Variants in ERBB4 observed in about 807,000 individuals in gnomAD.
The protein encoded by ERBB4 is erb-b2 receptor tyrosine kinase 4.
Under a neutral mutation model 158.0 loss-of-function variants are expected in ERBB4, and 42 were observed. The ratio of observed to expected loss-of-function variants is 0.27; its 90% confidence interval spans 0.21 to 0.34. The LOEUF (loss-of-function observed/expected upper bound fraction) is 0.34, where lower values mean the gene tolerates loss of function less well. ERBB4 is among the 10% of genes least tolerant of loss of function. The pLI, the probability that ERBB4 is intolerant of heterozygous loss-of-function variation, is 1.00. For synonymous variants in ERBB4, 583 were observed against 558.7 expected (o/e 1.04, Z -0.61); for missense variants, 1,333 against 1,624.1 (o/e 0.82, Z 3.08).
chr2:212,520,098 A>G (rs1692071458), intron 1 of ERBB4, among the ~76,000 whole-genome samples: 1 of 151,996 alleles, frequency 6.6e-6, no homozygotes, highest in African/African-American at 2.4e-5. Context: ...TTAATTGGAA[A>G]AATATAATTT....
At chr2:211,766,292 T>G (rs2075548479) in intron 4 of ERBB4, among the ~76,000 whole-genome samples, 1 of 152,204 alleles carries the variant, frequency 6.6e-6, no homozygotes, top group African/African-American at 2.4e-5. Flanking sequence ...GTTAGCAGTT[T>G]GATCTGCTTG....
chr2:211,820,631 C>T (rs146256628), intron 3 of ERBB4, among the ~76,000 whole-genome samples: 200 of 151,788 alleles, frequency 1.3e-3, no homozygotes, highest in African/African-American at 4.7e-3. Context: ...CACAGTAAAA[C>T]AAGAAAACTT....
intron 2 of ERBB4, among the ~76,000 whole-genome samples, chr2:212,034,178 G>T (rs1362276679): frequency 6.6e-6 from 1 of 151,730 alleles, no homozygotes; most frequent in African/African-American, 2.4e-5. Context: ...TTACTAATCT[G>T]TGTTTCTTCT....
At chr2:212,362,660 T>C (rs1295550167) in intron 1 of ERBB4, among the ~76,000 whole-genome samples, 1 of 151,092 alleles carries the variant, frequency 6.6e-6, no homozygotes, top group East Asian at 1.9e-4. Context: ...TAAAACTTCA[T>C]TTTACCAATG....
At chr2:212,144,392 G>A (rs2080593519) in intron 1 of ERBB4, among the ~76,000 whole-genome samples, 1 of 152,120 alleles carries the variant, frequency 6.6e-6, no homozygotes, top group South Asian at 2.1e-4. Flanking sequence ...TCTGGAAAAT[G>A]TTTTAAAAAT....
intron 19 of ERBB4, among the ~76,000 whole-genome samples, chr2:211,590,583 C>T (rs565468703): frequency 6.6e-6 from 1 of 152,102 alleles, no homozygotes; most frequent in African/African-American, 2.4e-5. Flanking sequence ...ACGATTTCAC[C>T]TTCGACCCAA....
chr2:211,395,450 AAAT>A (rs1426019768), intron 25 of ERBB4, among the ~76,000 whole-genome samples: 1 of 152,096 alleles, frequency 6.6e-6, no homozygotes, highest in Admixed American at 6.5e-5. Context: ...AACTTTTAAT[AAAT>A]AATAATAAGC....
chr2:211,507,383 C>A (rs1049740477), intron 20 of ERBB4, among the ~76,000 whole-genome samples: 2 of 152,008 alleles, frequency 1.3e-5, no homozygotes, highest in Admixed American at 6.5e-5. Flanking sequence ...ACCCTGAAAC[C>A]CATATCAGGC....
chr2:211,386,857 T>C lies in ERBB4; in HGVS notation c.3477A>G (p.Lys1159=), dbSNP rs991480077. ...GYMTPMRDKP[K]QEYLNPVEEN... ...TTCTGAATAATCAGTTCATACCTTG[T>C]TTGGGTTTGTCTCGCATAGGAGTCA... Residue 1159 remains lysine, a synonymous_variant, in exon 27 of 28, where the codon AAA becomes AAG. Coordinates refer to ENST00000342788, the MANE Select transcript of ERBB4 (RefSeq NM_005235.3). 3 of 1,613,992 alleles carry C rather than the reference T, an allele frequency of 1.9e-6. No individual in the cohort carries two copies. The highest frequency in any genetic ancestry group is 2.5e-6 in the Non-Finnish European group (3 of 1,179,974).
intron 4 of ERBB4, among the ~76,000 whole-genome samples, chr2:211,759,182 G>A (rs2075351625): frequency 6.6e-6 from 1 of 152,072 alleles, no homozygotes; most frequent in Non-Finnish European, 1.5e-5. Context: ...ATATCTCGTT[G>A]TCTCTAACTT....
rs923768230 is a variant in ERBB4 at position 211,647,477 on chromosome 2, C to T, written c.1946+10277G>A. Among the ~76,000 whole-genome samples, 4 of 151,636 alleles carry T rather than the reference C, an allele frequency of 2.6e-5. No homozygotes were observed. The South Asian group carries it at 6.2e-4, about 24-fold the overall frequency. On this transcript the variant is annotated intron_variant, in intron 16 of 27. Transcript: ENST00000342788. Reference sequence around the variant, plus strand: ...CAAAGTCACTGCAAATTCAACACATCCGAAACTAAACACAGGATGACTAAT... The same window carrying T: ...CAAAGTCACTGCAAATTCAACACATTCGAAACTAAACACAGGATGACTAAT...
At chr2:211,738,007 C>T (rs552818714) in intron 5 of ERBB4, among the ~76,000 whole-genome samples, 188 of 151,842 alleles carry the variant, frequency 1.2e-3, no homozygotes, top group Non-Finnish European at 2.2e-3. Context: ...ATGGAACATT[C>T]GTTTCATGCA....
At chr2:212,219,311 A>T (rs2083209457) in intron 1 of ERBB4, among the ~76,000 whole-genome samples, 1 of 151,460 alleles carries the variant, frequency 6.6e-6, no homozygotes, top group South Asian at 2.1e-4. Context: ...AGTTTGTATA[A>T]TGTCTTTTTA....
At chr2:212,034,168 T>C (rs1372975557) in intron 2 of ERBB4, among the ~76,000 whole-genome samples, 2 of 151,918 alleles carry the variant, frequency 1.3e-5, no homozygotes, top group Non-Finnish European at 2.9e-5. Context: ...TTGTGTCAGC[T>C]TACTAATCTG....
At chr2:212,042,642 T>C (rs981483458) in intron 2 of ERBB4, among the ~76,000 whole-genome samples, 64 of 152,098 alleles carry the variant, frequency 4.2e-4, no homozygotes, top group African/African-American at 1.5e-3. Flanking sequence ...CTATAATCTT[T>C]CTTTGTGGTT....
chr2:211,968,847 T>C (rs2081375771), intron 2 of ERBB4, among the ~76,000 whole-genome samples: 2 of 152,126 alleles, frequency 1.3e-5, no homozygotes, highest in African/African-American at 2.4e-5. Context: ...ATATCCTTTT[T>C]ATTTTCTACC....
intron 17 of ERBB4, among the ~76,000 whole-genome samples, chr2:211,624,271 G>A (rs576101234): frequency 1.6e-4 from 24 of 151,994 alleles, no homozygotes; most frequent in African/African-American, 5.5e-4. Context: ...TCTTTGTCAG[G>A]GCAAACACAA....
intron 20 of ERBB4, among the ~76,000 whole-genome samples, chr2:211,460,130 A>C (rs2064491962): frequency 6.6e-6 from 1 of 152,186 alleles, no homozygotes; most frequent in Non-Finnish European, 1.5e-5. Context: ...TGCTTTAAAA[A>C]GTCAACATTA....
At chr2:212,132,293 G>A (rs187973393) in intron 1 of ERBB4, among the ~76,000 whole-genome samples, 14 of 152,256 alleles carry the variant, frequency 9.2e-5, no homozygotes, top group Admixed American at 8.5e-4. Flanking sequence ...ATGCATATGG[G>A]TGCTATGCTG....
Sources: gnomAD v4.1 joint callset for allele counts (sites outside exome capture counted in the v4.1 genomes callset) on GRCh38, gnomAD v4.1.1 for gene constraint, MANE v1.5 for transcripts, NCBI Gene and HGNC (gene_info 2026-07-23, HGNC 2026-07-21) for gene names.